Variants in LIN54 observed in about 807,000 individuals in gnomAD.
The protein encoded by LIN54 is lin-54 DREAM MuvB core complex component, also known as protein lin-54 homolog.
In LIN54, 9 loss-of-function variants were observed where a neutral mutation model predicts 78.7. That is an observed-to-expected ratio of 0.11 (90% CI 0.07 to 0.20). The LOEUF is 0.20. Ranked by LOEUF, LIN54 falls within the 10% of genes least tolerant of loss-of-function variation. LIN54 has a pLI of 1.00. For missense variants in LIN54, 573 were observed against 889.9 expected (o/e 0.64, Z 4.53); for synonymous variants, 269 against 318.4 (o/e 0.84, Z 1.65).
At chr4:82,947,363 C>G (rs193202454) in intron 4 of LIN54, among the ~76,000 whole-genome samples, 238 of 147,982 alleles carry the variant, frequency 1.6e-3, no homozygotes, top group African/African-American at 5.7e-3. Context: ...CTCCTGAGCA[C>G]GTAGGACCAC....
intron 1 of LIN54, among the ~76,000 whole-genome samples, chr4:83,001,837 G>A (rs1728803788): frequency 8.8e-6 from 1 of 114,154 alleles, no homozygotes; most frequent in Non-Finnish European, 1.7e-5. Context: ...GACAGAGCAA[G>A]ACTCTGTCTC....
At chr4:82,968,662 A>T (rs1320612272) in intron 4 of LIN54, among the ~76,000 whole-genome samples, 4 of 152,270 alleles carry the variant, frequency 2.6e-5, no homozygotes, top group African/African-American at 9.6e-5. Context: ...TCTGATTTAA[A>T]TGGGGTCAGG....
At chr4:82,955,053 A>G (rs1427122611) in intron 4 of LIN54, among the ~76,000 whole-genome samples, 1 of 152,192 alleles carries the variant, frequency 6.6e-6, no homozygotes, top group Non-Finnish European at 1.5e-5. Context: ...ATTCAAGAAC[A>G]TGATTTTTTA....
At chr4:82,971,132 T>A (rs1169424023) in intron 3 of LIN54, among the ~76,000 whole-genome samples, 1 of 152,188 alleles carries the variant, frequency 6.6e-6, no homozygotes, top group Non-Finnish European at 1.5e-5. Flanking sequence ...ATTTTTATCC[T>A]AGGTAAGAAA....
At chr4:82,950,609 C>G (rs1249481203) in intron 4 of LIN54, among the ~76,000 whole-genome samples, 1 of 152,154 alleles carries the variant, frequency 6.6e-6, no homozygotes, top group African/African-American at 2.4e-5. Context: ...TCCTGAATAA[C>G]ATCTTTAAGA....
At chr4:82,974,134 C>T (rs1250897969) in intron 3 of LIN54, among the ~76,000 whole-genome samples, 4 of 150,800 alleles carry the variant, frequency 2.7e-5, no homozygotes, top group African/African-American at 2.4e-5. Context: ...GGCGTGAACC[C>T]AGGAGGCGGA....
At position 82,928,082 on chromosome 4, in the gene LIN54, A is replaced by T. The variant is rs1305138465; in HGVS notation, c.*20T>A. 1 of 1,608,558 alleles carries T rather than the reference A, an allele frequency of 6.2e-7. No homozygotes were observed. Among genetic ancestry groups the T allele is most frequent in the South Asian group, 1.1e-5 (1 of 90,982 alleles). The stretch of plus-strand genomic sequence containing the variant: ...TTAAATTTTCTGTACAGTTCCATTT[A>T]TCAGTCTTTTGTGCAAGAGTTAGCA... On this transcript the variant is annotated 3_prime_UTR_variant, in exon 13 of 13. Coordinates refer to ENST00000340417, the MANE Select transcript of LIN54 (RefSeq NM_194282.4).
At chr4:82,970,276 T>C (rs1725531328) in intron 4 of LIN54, 51 bp downstream of exon 4, 2 of 1,550,908 alleles carry the variant, frequency 1.3e-6, no homozygotes, top group Non-Finnish European at 1.8e-6. Context: ...AGTAAGAAAA[T>C]AAAGGCATCA....
chr4:82,952,228 A>T (rs1487729461), intron 4 of LIN54, among the ~76,000 whole-genome samples: 1 of 152,208 alleles, frequency 6.6e-6, no homozygotes, highest in Admixed American at 6.5e-5. Flanking sequence ...TCGTATATTG[A>T]TAAGTGATTA....
chr4:82,984,940 A>G, intron 1 of LIN54, 64 bp from the exon 2 acceptor site: 1 of 1,115,156 alleles, frequency 9.0e-7, no homozygotes, highest in Admixed American at 2.4e-5. Flanking sequence ...AAAAAATTCA[A>G]AAAAAATGCA....
chr4:82,994,254 A>C (rs1727997786), intron 1 of LIN54, among the ~76,000 whole-genome samples: 1 of 152,120 alleles, frequency 6.6e-6, no homozygotes, highest in South Asian at 2.1e-4. Context: ...TTTTCTAGCT[A>C]TGCTATTATT....
chr4:82,946,240 T>TA lies in LIN54; in HGVS notation c.1168+17dup, dbSNP rs1560731882. On this transcript the variant is annotated intron_variant, in intron 5 of 12. Coordinates refer to ENST00000340417, the MANE Select transcript of LIN54 (RefSeq NM_194282.4). ...TGTTAAAAGCATGAATTACTGTTTT[T>TA]AAAAAATGGTTACTAACCTTGCTGA... 7 of 1,587,916 alleles carry TA rather than the reference T, an allele frequency of 4.4e-6. No homozygotes were observed. The highest frequency in any genetic ancestry group is 1.7e-5 in the Admixed American group (1 of 59,980).
chr4:82,978,921 G>C lies in LIN54; in HGVS notation c.770C>G (p.Thr257Arg). 6.3e-7 allele frequency: 1 copy of C among 1,586,428 alleles called. No homozygotes were observed. Among genetic ancestry groups the C allele is most frequent in the Non-Finnish European group, 8.6e-7 (1 of 1,158,522 alleles). Reference protein sequence around the residue: ...FAKPINSKAVTGQTTQVSPPV... With the variant: ...FAKPINSKAVRGQTTQVSPPV... ...TGGTGAAACTTGAGTTGTCTGTCCT[G>C]TAACTGCTTTACTATTAATTGGTTT... Residue 257 changes from threonine to arginine, a missense_variant, in exon 3 of 13, where the codon ACA becomes AGA. Coordinates refer to ENST00000340417, the MANE Select transcript of LIN54 (RefSeq NM_194282.4).
chr4:82,928,432 A>G, intron 12 of LIN54, 129 bp from the exon 13 acceptor site: 2 of 740,946 alleles, frequency 2.7e-6, no homozygotes, highest in South Asian at 1.6e-5. Context: ...ATCACAATTT[A>G]CACAGTGAGC....
chr4:82,981,216 TG>T (rs1226449333), intron 2 of LIN54, among the ~76,000 whole-genome samples: 2 of 152,214 alleles, frequency 1.3e-5, no homozygotes, highest in African/African-American at 4.8e-5. Flanking sequence ...GGCACTGTGT[TG>T]GATAGATTCA....
At position 82,979,338 on chromosome 4, in the gene LIN54, A is replaced by G. The variant is rs578013778; in HGVS notation, c.685-332T>C. 5.9e-5 allele frequency among the ~76,000 whole-genome samples: 9 copies of G among 152,334 alleles called. No individual in the cohort carries two copies. The South Asian group carries it at 1.7e-3, about 28-fold the overall frequency. ...TGGCACAGTAATATTCTTGTTCAAAATAACAAATTACTCAATAATAAAAAG... is the reference window on the plus strand; with the variant it reads ...TGGCACAGTAATATTCTTGTTCAAAGTAACAAATTACTCAATAATAAAAAG... On this transcript the variant is annotated intron_variant, in intron 2 of 12. Transcript: ENST00000340417.
At chr4:83,004,670 T>C (rs1261788645) in intron 1 of LIN54, among the ~76,000 whole-genome samples, 2 of 151,826 alleles carry the variant, frequency 1.3e-5, no homozygotes, top group East Asian at 3.9e-4. Context: ...CAATTTTCTT[T>C]GTATTTGTTG....
intron 11 of LIN54, among the ~76,000 whole-genome samples, chr4:82,935,583 C>T (rs1223315817): frequency 5.3e-5 from 8 of 152,100 alleles, no homozygotes; most frequent in African/African-American, 7.2e-5. Context: ...CCACCGCACC[C>T]GGCCATATAT....
chr4:82,999,411 C>T (rs1193729645), intron 1 of LIN54, among the ~76,000 whole-genome samples: 1 of 152,086 alleles, frequency 6.6e-6, no homozygotes, highest in African/African-American at 2.4e-5. Context: ...GCAGTTACAC[C>T]AGCAGATACG....
Sources: allele counts gnomAD v4.1 joint callset (sites outside exome capture counted in the v4.1 genomes callset), GRCh38; gene constraint gnomAD v4.1.1; transcripts MANE v1.5; gene names NCBI Gene and HGNC (gene_info 2026-07-23, HGNC 2026-07-21).